AGAP1: variants seen among roughly 807,000 people sequenced by gnomAD.
AGAP1 encodes arf-GAP with GTPase, ANK repeat and PH domain-containing protein 1.
A neutral mutation model predicts 105.3 loss-of-function variants in AGAP1; 29 were observed. The ratio of observed to expected loss-of-function variants is 0.28; its 90% CI spans 0.21 to 0.38. AGAP1 has a LOEUF of 0.38. AGAP1 is among the 10% of genes least tolerant of loss of function. The pLI is 1.00. For missense variants in AGAP1, 998 were observed against 1,165.1 expected (o/e 0.86, Z 2.09); for synonymous variants, 509 against 485.9 (o/e 1.05, Z -0.63).
At chr2:235,573,928 A>G (rs55801692) in intron 1 of AGAP1, among the ~76,000 whole-genome samples, 20,340 of 152,276 alleles carry the variant, frequency 0.13, 1,496 homozygotes, top group Admixed American at 0.16. Context: ...AGAGCCTCCC[A>G]GCGGGTTGGC....
intron 9 of AGAP1, among the ~76,000 whole-genome samples, chr2:235,871,442 G>A (rs1171782247): frequency 6.6e-6 from 1 of 152,176 alleles, no homozygotes; most frequent in African/African-American, 2.4e-5. Context: ...GGGGCAGGTT[G>A]CTAATTGCCC....
intron 11 of AGAP1, among the ~76,000 whole-genome samples, chr2:235,924,899 C>T (rs1248675957): frequency 3.3e-5 from 5 of 152,062 alleles, no homozygotes; most frequent in Non-Finnish European, 7.3e-5. Context: ...TGTCCACATC[C>T]CCTGCAAAAT....
chr2:236,099,454 C>CAA (rs560831358), intron 16 of AGAP1, among the ~76,000 whole-genome samples: 1 of 137,988 alleles, frequency 7.2e-6, no homozygotes, highest in African/African-American at 2.6e-5. Context: ...GACTCCGCCT[C>CAA]AAAAAAAAAA....
Position 235,927,434 on chromosome 2 carries a change from A to G in AGAP1, c.1325-3331A>G, listed in dbSNP as rs1043100088. Among the ~76,000 whole-genome samples, 3 of 152,216 alleles carry G rather than the reference A, an allele frequency of 2.0e-5. No individual in the cohort carries two copies. Among genetic ancestry groups the G allele is most frequent in the South Asian group, 2.1e-4 (1 of 4,826 alleles). On this transcript the variant is annotated intron_variant, in intron 11 of 17. Transcript: ENST00000304032. The surrounding 1 kb of genome is among the most constrained non-coding windows in gnomAD (Gnocchi z 4.4). ...ATGGACAGACAGAAGTTTGAAAACC[A>G]GTACATTCACAGCAGCATTCACAGC... is the stretch of plus-strand genomic sequence containing the variant.
At chr2:235,933,603 G>C (rs1433555555) in intron 12 of AGAP1, among the ~76,000 whole-genome samples, 1 of 149,462 alleles carries the variant, frequency 6.7e-6, no homozygotes, top group African/African-American at 2.5e-5. Flanking sequence ...CGCGACCCCG[G>C]CTCACTGCAA....
At chr2:235,699,377 T>C (rs1262749366) in intron 1 of AGAP1, among the ~76,000 whole-genome samples, 1 of 148,048 alleles carries the variant, frequency 6.8e-6, no homozygotes, top group Non-Finnish European at 1.5e-5. Context: ...CAGGTGCTTG[T>C]TCCCTTTAGC....
At chr2:235,718,240 C>T (rs1358269298) in intron 3 of AGAP1, 4 of 303,072 alleles carry the variant, frequency 1.3e-5, no homozygotes, top group South Asian at 1.3e-4. Flanking sequence ...ATTTAGCTCC[C>T]GTGTCCCCTA....
rs1177967855 is a variant in AGAP1, at chr2:235,659,742, T to C, written c.164-49437T>C. 2.0e-5 allele frequency among the ~76,000 whole-genome samples: 3 copies of C among 152,244 alleles called. No homozygotes were observed. Among genetic ancestry groups the C allele is most frequent in the African/African-American group, 7.2e-5 (3 of 41,456 alleles). On this transcript the variant is annotated intron_variant, in intron 1 of 17. Transcript: ENST00000304032. This position sits in a 1 kb window ranked among gnomAD's most constrained non-coding sequence, Gnocchi z 5.0. ...CAAGTATTCTATTTCTTAATGGATCTTCTAAGCCCTGGATCAATAGTGTAT... is the reference window on the plus strand; with the variant it reads ...CAAGTATTCTATTTCTTAATGGATCCTCTAAGCCCTGGATCAATAGTGTAT...
Position 235,719,306 on chromosome 2 carries a change from G to C in AGAP1, c.310+1662G>C, listed in dbSNP as rs1438986056. Reference sequence around the variant, plus strand: ...ACGACTCACTCATGGTGGCCTTTCTGCTATATGGCTATTTGGTCATTTTTG... The same window carrying C: ...ACGACTCACTCATGGTGGCCTTTCTCCTATATGGCTATTTGGTCATTTTTG... On this transcript the variant is annotated intron_variant, in intron 3 of 17. Transcript: ENST00000304032. The surrounding 1 kb of genome is among the most constrained non-coding windows in gnomAD (Gnocchi z 4.9). Among the ~76,000 whole-genome samples the C allele has an allele frequency of 2.6e-5, 4 of 152,162 alleles. No individual in the cohort carries two copies. Among genetic ancestry groups the C allele is most frequent in the Non-Finnish European group, 5.9e-5 (4 of 68,036 alleles).
At chr2:235,585,762 C>G (rs1415104185) in intron 1 of AGAP1, among the ~76,000 whole-genome samples, 1 of 152,162 alleles carries the variant, frequency 6.6e-6, no homozygotes, top group Non-Finnish European at 1.5e-5. Flanking sequence ...TGCATTCAAA[C>G]CAATCACACG....
chr2:235,793,948 CT>C lies in AGAP1; in HGVS notation c.674-3802del, dbSNP rs773181323. ...TCACTTTTTTTGTTAAGTTCTTAAA[CT>C]TTTTTTTTATTATTGAAGAATGGAA... On this transcript the variant is annotated intron_variant, in intron 6 of 17. Transcript: ENST00000304032. The surrounding 1 kb of genome is among the most constrained non-coding windows in gnomAD (Gnocchi z 5.3). Among the ~76,000 whole-genome samples, 3 of 151,480 alleles carry C rather than the reference CT, an allele frequency of 2.0e-5. No individual in the cohort carries two copies. Among genetic ancestry groups the C allele is most frequent in the African/African-American group, 4.9e-5 (2 of 41,210 alleles).
intron 12 of AGAP1, among the ~76,000 whole-genome samples, chr2:235,956,151 G>A (rs2053939798): frequency 6.6e-6 from 1 of 152,172 alleles, no homozygotes; most frequent in Non-Finnish European, 1.5e-5. Flanking sequence ...CACCCAACTT[G>A]AGAAATGGTA....
intron 12 of AGAP1, among the ~76,000 whole-genome samples, chr2:235,932,864 C>T (rs554932614): frequency 2.9e-4 from 44 of 152,346 alleles, no homozygotes; most frequent in East Asian, 1.2e-3. Context: ...TGGAAGTGGG[C>T]TGCATTGTCT....
intron 1 of AGAP1, among the ~76,000 whole-genome samples, chr2:235,652,408 T>A (rs1283111669): frequency 6.6e-6 from 1 of 152,054 alleles, no homozygotes; most frequent in Non-Finnish European, 1.5e-5. Context: ...TAGAGGCCCA[T>A]CAGCCTCCAA....
rs186424206 is a variant in AGAP1 at position 235,957,097 on chromosome 2, C to T, written c.1484-11365C>T. On this transcript the variant is annotated intron_variant, in intron 12 of 17. Transcript: ENST00000304032. This position sits in a 1 kb window ranked among gnomAD's most constrained non-coding sequence, Gnocchi z 4.6. The stretch of plus-strand genomic sequence containing the variant: ...TCTCACAGATACCTGCAACCATCAC[C>T]ACAGTCAATCTCAGAACATTTTCAT... Among the ~76,000 whole-genome samples, 201 of 152,322 alleles carry T rather than the reference C, an allele frequency of 1.3e-3. No individual in the cohort carries two copies. The highest frequency in any genetic ancestry group is 4.5e-3 in the African/African-American group (188 of 41,576).
At chr2:235,523,831 C>A (rs1358205716) in intron 1 of AGAP1, among the ~76,000 whole-genome samples, 1 of 150,730 alleles carries the variant, frequency 6.6e-6, no homozygotes, top group Non-Finnish European at 1.5e-5. Context: ...CCTGCTTGGA[C>A]GTAGCAGGGG....
chr2:235,945,872 C>T lies in AGAP1; in HGVS notation c.1483+14949C>T, dbSNP rs561306962. On this transcript the variant is annotated intron_variant, in intron 12 of 17. Transcript: ENST00000304032. ...TCATGGCAGAAGGCAGAGGGGGAGC[C>T]GGCACTTCACATGGCTGGCGGTGGT... 4.9e-5 allele frequency among the ~76,000 whole-genome samples: 7 copies of T among 141,678 alleles called. No individual in the cohort carries two copies. The East Asian group carries it at 1.0e-3, about 21-fold the overall frequency. The allele number at this position is 141,678 out of a possible 152,430, so 92.9% of individuals were successfully genotyped here. A position where few individuals can be genotyped will look rare whatever the true frequency, so the allele number is the denominator to read the frequency against.
At chr2:235,836,982 G>C (rs538853853) in intron 9 of AGAP1, among the ~76,000 whole-genome samples, 4 of 152,076 alleles carry the variant, frequency 2.6e-5, no homozygotes, top group East Asian at 1.9e-4. Flanking sequence ...TGTTGGGTTG[G>C]GGGGGTTGTG....
Position 235,625,558 on chromosome 2 carries a change from C to T in AGAP1, c.164-83621C>T, listed in dbSNP as rs1946611926. 6.6e-6 allele frequency among the ~76,000 whole-genome samples: 1 copy of T among 152,154 alleles called. No individual in the cohort carries two copies. Among genetic ancestry groups the T allele is most frequent in the African/African-American group, 2.4e-5 (1 of 41,418 alleles). ...GATTGCTGATTTTGCAAGTACAAGT[C>T]ACCAGATTTTAGTTGTTTATAAACT... On this transcript the variant is annotated intron_variant, in intron 1 of 17. Coordinates refer to ENST00000304032, the MANE Select transcript of AGAP1 (RefSeq NM_001037131.3). This position sits in a 1 kb window ranked among gnomAD's most constrained non-coding sequence, Gnocchi z 4.0.
Sources: gnomAD v4.1 joint callset for allele counts (sites outside exome capture counted in the v4.1 genomes callset) on GRCh38, gnomAD v4.1.1 for gene constraint, Gnocchi (gnomAD v3.1) non-coding constraint, MANE v1.5 for transcripts, NCBI Gene and HGNC (gene_info 2026-07-23, HGNC 2026-07-21) for gene names.